ZSWIM6: variants seen among roughly 807,000 people sequenced by gnomAD.
The protein encoded by ZSWIM6 is zinc finger SWIM domain-containing protein 6.
A neutral mutation model predicts 113.2 loss-of-function variants in ZSWIM6; 9 were observed. The ratio of observed to expected loss-of-function variants is 0.08; its 90% CI spans 0.05 to 0.14. The LOEUF (loss-of-function observed/expected upper bound fraction) is 0.14, where lower values mean the gene tolerates loss of function less well. Ranked by LOEUF, ZSWIM6 falls within the 10% of genes least tolerant of loss-of-function variation. ZSWIM6 has a pLI of 1.00. For missense variants in ZSWIM6, 1,162 were observed against 1,552.2 expected (o/e 0.75, Z 4.22); for synonymous variants, 611 against 606.5 (o/e 1.01, Z -0.11).
At chr5:61,509,537 G>T (rs191150993) in intron 4 of ZSWIM6, among the ~76,000 whole-genome samples, 2 of 152,238 alleles carry the variant, frequency 1.3e-5, no homozygotes, top group African/African-American at 4.8e-5. Context: ...GGATGCAGTT[G>T]ATAATCCAGA....
intron 1 of ZSWIM6, among the ~76,000 whole-genome samples, chr5:61,349,192 GT>G (rs957653068): frequency 2.3e-4 from 35 of 152,090 alleles, no homozygotes; most frequent in African/African-American, 7.2e-4. Context: ...TTCTAGTCTT[GT>G]TTTTTTGGGG....
At position 61,526,385 on chromosome 5, in the gene ZSWIM6, C is replaced by A. The variant is rs1157434799; in HGVS notation, c.1826C>A (p.Thr609Asn). 4 of 1,549,512 alleles carry A rather than the reference C, an allele frequency of 2.6e-6. No homozygotes were observed. The highest frequency in any genetic ancestry group is 1.2e-5 in the South Asian group (1 of 83,390). Residue 609 changes from threonine to asparagine, a missense_variant, in exon 7 of 14, where the codon ACC becomes AAC. By Grantham distance (65) the Thr-to-Asn change is moderately conservative. Coordinates refer to ENST00000252744, the MANE Select transcript of ZSWIM6 (RefSeq NM_020928.2). ...QQQKQLEMFR[T>N]QKKELPHKNI... ...CAGAAACAGTTGGAAATGTTCCGAA[C>A]CCAAAAAAAAGGTGAATGTGAAGGA... is the stretch of plus-strand genomic sequence containing the variant.
chr5:61,476,175 AGTT>A (rs1296395461), intron 2 of ZSWIM6, among the ~76,000 whole-genome samples: 2 of 152,044 alleles, frequency 1.3e-5, no homozygotes, highest in Admixed American at 1.3e-4. Flanking sequence ...TTATCCTATT[AGTT>A]GTTCTTAGTA....
chr5:61,339,461 A>AT (rs1189579082), intron 1 of ZSWIM6, among the ~76,000 whole-genome samples: 7 of 152,118 alleles, frequency 4.6e-5, no homozygotes, highest in Admixed American at 4.6e-4. Flanking sequence ...CATGCTTTAT[A>AT]TTTTTTTGTG....
chr5:61,375,177 A>G (rs1448118866), intron 1 of ZSWIM6: 3 of 1,613,264 alleles, frequency 1.9e-6, no homozygotes, highest in Non-Finnish European at 2.5e-6. Context: ...CAAGGGGTCC[A>G]ATCCAGTCTT....
intron 1 of ZSWIM6, among the ~76,000 whole-genome samples, chr5:61,379,216 A>G (rs1745430801): frequency 6.7e-6 from 1 of 149,002 alleles, no homozygotes; most frequent in Admixed American, 6.7e-5. Context: ...AAAAGAATGT[A>G]AAAAGATAAA....
chr5:61,487,197 G>A (rs535961170), intron 2 of ZSWIM6, among the ~76,000 whole-genome samples: 5 of 152,138 alleles, frequency 3.3e-5, no homozygotes, highest in East Asian at 1.9e-4. Context: ...TGATCAGTTC[G>A]TTGTAAATAT....
intron 1 of ZSWIM6, among the ~76,000 whole-genome samples, chr5:61,363,377 T>C (rs989227827): frequency 1.3e-5 from 2 of 152,230 alleles, no homozygotes; most frequent in African/African-American, 2.4e-5. Flanking sequence ...TAGTGACATA[T>C]AGAACCAGTT....
At chr5:61,391,724 TGTATCCCAG>T in intron 1 of ZSWIM6, 2 of 1,152,928 alleles carry the variant, frequency 1.7e-6, no homozygotes, top group Non-Finnish European at 2.6e-6. Flanking sequence ...ATGCCAGCCT[TGTATCCCAG>T]GAAGGCTGTG....
chr5:61,337,278 C>A (rs1031370558), intron 1 of ZSWIM6, among the ~76,000 whole-genome samples: 1 of 88,948 alleles, frequency 1.1e-5, no homozygotes, highest in Non-Finnish European at 2.3e-5. Flanking sequence ...GATTCCGTCT[C>A]CCCCCCCAAA....
At position 61,372,285 on chromosome 5, in the gene ZSWIM6, AT is replaced by A. The variant is rs140751847; in HGVS notation, c.676+39349del. The stretch of plus-strand genomic sequence containing the variant: ...CTACCCCATTCTTACCCTCTGCCCT[AT>A]TTTTTTTTTTTCATATCCAAATTTC... On this transcript the variant is annotated intron_variant, in intron 1 of 13. Coordinates refer to ENST00000252744, the MANE Select transcript of ZSWIM6 (RefSeq NM_020928.2). Among the ~76,000 whole-genome samples the A allele has an allele frequency of 1.8e-3, 254 of 142,156 alleles. 1 individual carries two copies. Among genetic ancestry groups the A allele is most frequent in the African/African-American group, 2.9e-3 (111 of 38,926 alleles). 93.3% of individuals were successfully genotyped at this position (142,156 alleles called of 152,430 possible).
chr5:61,533,446 A>G (rs1160287697), intron 9 of ZSWIM6, among the ~76,000 whole-genome samples: 1 of 152,234 alleles, frequency 6.6e-6, no homozygotes, highest in Admixed American at 6.5e-5. Context: ...ACAATATTGG[A>G]TAGATAAATT....
chr5:61,521,690 A>T (rs1386407715), intron 5 of ZSWIM6, among the ~76,000 whole-genome samples: 1 of 152,176 alleles, frequency 6.6e-6, no homozygotes, highest in Non-Finnish European at 1.5e-5. Flanking sequence ...TTTATATACT[A>T]GTATGTGTTA....
At chr5:61,522,837 T>C (rs1355046189) in intron 5 of ZSWIM6, among the ~76,000 whole-genome samples, 1 of 152,232 alleles carries the variant, frequency 6.6e-6, no homozygotes, top group Non-Finnish European at 1.5e-5. Flanking sequence ...TCCCCTTCTA[T>C]TTATACTATG....
At position 61,375,810 on chromosome 5, in the gene ZSWIM6, G is replaced by A. The variant is rs200900383; in HGVS notation, c.676+42862G>A. ...AAAAGAAGCATAAGAAACACAGTAA[G>A]AAGAAGAAAAAGAAGGCTGCTAGTT... On this transcript the variant is annotated intron_variant, in intron 1 of 13. Coordinates refer to ENST00000252744, the MANE Select transcript of ZSWIM6 (RefSeq NM_020928.2). 31 of 1,342,366 alleles carry A rather than the reference G, an allele frequency of 2.3e-5. No individual in the cohort carries two copies. The East Asian group carries it at 5.8e-4, about 25-fold the overall frequency. 83.2% of individuals were successfully genotyped at this position (1,342,366 alleles called of 1,614,324 possible).
intron 1 of ZSWIM6, among the ~76,000 whole-genome samples, chr5:61,335,484 T>G (rs1381851103): frequency 2.6e-5 from 4 of 152,242 alleles, no homozygotes; most frequent in African/African-American, 9.6e-5. Context: ...GTGGCTAGAT[T>G]AACCATTTAA....
At chr5:61,396,316 A>G (rs976030872) in intron 1 of ZSWIM6, among the ~76,000 whole-genome samples, 4 of 151,930 alleles carry the variant, frequency 2.6e-5, no homozygotes, top group Non-Finnish European at 4.4e-5. Flanking sequence ...GGCGGATCAC[A>G]AGGTCAAGAG....
chr5:61,444,551 T>A (rs182583021), intron 1 of ZSWIM6, among the ~76,000 whole-genome samples: 197 of 152,304 alleles, frequency 1.3e-3, no homozygotes, highest in African/African-American at 4.6e-3. Context: ...TGAACTAGTT[T>A]ACAGTCCCAA....
chr5:61,382,500 A>C (rs1040480185), intron 1 of ZSWIM6, among the ~76,000 whole-genome samples: 1 of 152,162 alleles, frequency 6.6e-6, no homozygotes, highest in Non-Finnish European at 1.5e-5. Context: ...GTGATGCCTT[A>C]TGTGTAGAAA....
Sources: gnomAD v4.1 joint callset for allele counts (sites outside exome capture counted in the v4.1 genomes callset) on GRCh38, gnomAD v4.1.1 for gene constraint, MANE v1.5 for transcripts, NCBI Gene and HGNC (gene_info 2026-07-23, HGNC 2026-07-21) for gene names.